The following GSG1L variants were observed in gnomAD, a reference collection of about 807,000 sequenced individuals.
The protein encoded by GSG1L is germ cell-specific gene 1-like protein.
A neutral mutation model predicts 42.1 loss-of-function variants in GSG1L; 24 were observed. The observed-to-expected ratio is 0.57, with a 90% CI of 0.41 to 0.80. The LOEUF is 0.80. GSG1L is among the 30% of genes least tolerant of loss of function. The pLI is 0.00. For missense variants in GSG1L, 445 were observed against 472.2 expected, an observed-to-expected ratio of 0.94 and a Z score of 0.53; for synonymous variants, 215 against 203.5, an observed-to-expected ratio of 1.06 and a Z score of -0.48.
chr16:28,025,465 T>C (rs1276854340), intron 1 of GSG1L, among the ~76,000 whole-genome samples: 1 of 152,176 alleles, frequency 6.6e-6, no homozygotes, highest in East Asian at 1.9e-4. Flanking sequence ...GTGCTGTTCT[T>C]TCTGCCTAAA....
At chr16:27,948,057 G>A (rs1450043459) in intron 2 of GSG1L, among the ~76,000 whole-genome samples, 1 of 152,120 alleles carries the variant, frequency 6.6e-6, no homozygotes, top group Admixed American at 6.5e-5. Flanking sequence ...CACTTACCTC[G>A]CCCTTTCCTT....
chr16:27,873,702 T>C (rs2083851756), intron 3 of GSG1L, among the ~76,000 whole-genome samples: 1 of 152,116 alleles, frequency 6.6e-6, no homozygotes, highest in Admixed American at 6.5e-5. Context: ...TAAGGTCCTA[T>C]CCAGAAATGA....
At chr16:28,024,787 C>T (rs1032485632) in intron 1 of GSG1L, among the ~76,000 whole-genome samples, 7 of 152,118 alleles carry the variant, frequency 4.6e-5, no homozygotes, top group Admixed American at 3.9e-4. Context: ...CTAGAAAGGC[C>T]CAGGGCTGCC....
chr16:27,892,443 C>A (rs544200414), intron 2 of GSG1L, among the ~76,000 whole-genome samples: 1 of 151,774 alleles, frequency 6.6e-6, no homozygotes, highest in Non-Finnish European at 1.5e-5. Flanking sequence ...ACAACAGAAG[C>A]GAGACCCTGT....
At chr16:28,006,973 C>G (rs976629971) in intron 1 of GSG1L, among the ~76,000 whole-genome samples, 3 of 152,182 alleles carry the variant, frequency 2.0e-5, no homozygotes, top group African/African-American at 7.2e-5. Flanking sequence ...GTTATCTGCG[C>G]CTGGTCAGGG....
intron 3 of GSG1L, among the ~76,000 whole-genome samples, chr16:27,879,826 T>C (rs1022193101): frequency 6.6e-6 from 1 of 151,476 alleles, no homozygotes; most frequent in Middle Eastern, 3.2e-3. Flanking sequence ...GTATTATTTT[T>C]ATTGTATTTA....
At chr16:27,970,098 C>T (rs1369284074) in intron 1 of GSG1L, among the ~76,000 whole-genome samples, 1 of 151,974 alleles carries the variant, frequency 6.6e-6, no homozygotes, top group East Asian at 1.9e-4. Flanking sequence ...ATATATTCTG[C>T]ATACAAGTCC....
At chr16:27,890,563 G>T (rs563256897) in intron 2 of GSG1L, among the ~76,000 whole-genome samples, 107 of 152,350 alleles carry the variant, frequency 7.0e-4, no homozygotes, top group South Asian at 2.5e-3. Context: ...GGTGGACTCA[G>T]TGGGCTGTGC....
chr16:27,884,529 C>T lies in GSG1L; in HGVS notation c.507G>A (p.Gly169=), dbSNP rs1222369751. 1 of 1,613,806 alleles carries T rather than the reference C, an allele frequency of 6.2e-7. No homozygotes were observed. Among genetic ancestry groups the T allele is most frequent in the East Asian group, 2.2e-5 (1 of 44,894 alleles). Residue 169 remains glycine, a synonymous_variant, in exon 3 of 7, where the codon GGG becomes GGA. Transcript: ENST00000447459. The surrounding 1 kb of genome is among the most constrained non-coding windows in gnomAD (Gnocchi z 4.4). Reference sequence around the variant, plus strand: ...CAGCCGCGAAGGCATTGAGCTTGAGCCCGTCGATGACATTGCTGGAGTGGA... The same window carrying T: ...CAGCCGCGAAGGCATTGAGCTTGAGTCCGTCGATGACATTGCTGGAGTGGA... ...ELFHSSNVID[G]LKLNAFAAVF... is the part of the protein sequence containing the mutation.
chr16:27,913,155 C>T (rs990187621), intron 2 of GSG1L, among the ~76,000 whole-genome samples: 3 of 152,122 alleles, frequency 2.0e-5, no homozygotes, highest in African/African-American at 4.8e-5. Flanking sequence ...ATAATGTAAA[C>T]AAGTTAACTC....
At chr16:27,969,086 G>A (rs1484180313) in intron 1 of GSG1L, among the ~76,000 whole-genome samples, 1 of 152,134 alleles carries the variant, frequency 6.6e-6, no homozygotes, top group Non-Finnish European at 1.5e-5. Flanking sequence ...TTCAGCCTGG[G>A]CGACAGAGTG....
chr16:27,914,900 A>C (rs144187340), intron 2 of GSG1L, among the ~76,000 whole-genome samples: 1 of 152,204 alleles, frequency 6.6e-6, no homozygotes, highest in East Asian at 1.9e-4. Context: ...AAAAATAACA[A>C]GTGTCTGGAA....
intron 3 of GSG1L, among the ~76,000 whole-genome samples, chr16:27,852,358 G>A (rs942260441): frequency 5.3e-5 from 8 of 151,946 alleles, no homozygotes; most frequent in Non-Finnish European, 1.0e-4. Context: ...TTTCCACAGT[G>A]GTCAAGCGGC....
chr16:27,808,491 T>A (rs2144442729), intron 5 of GSG1L, among the ~76,000 whole-genome samples: 1 of 151,560 alleles, frequency 6.6e-6, no homozygotes, highest in East Asian at 1.9e-4. Flanking sequence ...CGGTCTCGGC[T>A]CACTGCACCC....
At chr16:27,803,792 T>TATATAG (rs1320925625) in intron 6 of GSG1L, among the ~76,000 whole-genome samples, 2 of 56,256 alleles carry the variant, frequency 3.6e-5, no homozygotes, top group Admixed American at 4.2e-4. Context: ...TATATATATA[T>TATATAG]ATAGATAGAT....
intron 1 of GSG1L, among the ~76,000 whole-genome samples, chr16:28,043,359 T>C (rs1301409179): frequency 6.6e-6 from 1 of 152,212 alleles, no homozygotes; most frequent in African/African-American, 2.4e-5. Context: ...TATAAAGGAT[T>C]TGAGGCTCGG....
chr16:27,997,992 T>A (rs888907639), intron 1 of GSG1L, among the ~76,000 whole-genome samples: 2 of 152,000 alleles, frequency 1.3e-5, no homozygotes, highest in African/African-American at 4.8e-5. Context: ...CCCAAATAGC[T>A]GAGATTACAG....
At chr16:27,910,699 C>A (rs2084377132) in intron 2 of GSG1L, among the ~76,000 whole-genome samples, 1 of 152,202 alleles carries the variant, frequency 6.6e-6, no homozygotes, top group African/African-American at 2.4e-5. Flanking sequence ...CATGCAGGAA[C>A]CTGCCTCAGT....
intron 1 of GSG1L, among the ~76,000 whole-genome samples, chr16:27,994,825 G>A (rs543967753): frequency 6.6e-6 from 1 of 152,284 alleles, no homozygotes; most frequent in South Asian, 2.1e-4. Flanking sequence ...AGGTCACAGG[G>A]CCACGACATT....
Sources: gnomAD v4.1 joint callset for allele counts (sites outside exome capture counted in the v4.1 genomes callset) on GRCh38, gnomAD v4.1.1 for gene constraint, Gnocchi (gnomAD v3.1) non-coding constraint, MANE v1.5 for transcripts, NCBI Gene and HGNC (gene_info 2026-07-23, HGNC 2026-07-21) for gene names.